MAP4K1: variants seen among roughly 807,000 people sequenced by gnomAD.
MAP4K1 encodes the protein mitogen-activated protein kinase kinase kinase kinase 1.
A neutral mutation model predicts 122.8 loss-of-function variants in MAP4K1; 35 were observed. That is an observed-to-expected ratio of 0.29 (90% CI 0.22 to 0.38). The LOEUF (loss-of-function observed/expected upper bound fraction) is 0.38, where lower values mean the gene tolerates loss of function less well. Among genes scored for constraint, MAP4K1 ranks in the 10% least tolerant of loss-of-function variants. MAP4K1 has a pLI of 1.00. For synonymous variants in MAP4K1, 412 were observed against 421.3 expected (o/e 0.98, Z 0.27); for missense variants, 791 against 1,072.6 (o/e 0.74, Z 3.67).
chr19:38,598,346 A>G (rs1441255828), intron 22 of MAP4K1, among the ~76,000 whole-genome samples: 1 of 147,636 alleles, frequency 6.8e-6, no homozygotes, highest in East Asian at 2.1e-4. Context: ...ATTGTTATAT[A>G]TAGACAGGGT....
At chr19:38,590,958 T>TA (rs1187048723) in intron 30 of MAP4K1, among the ~76,000 whole-genome samples, 1 of 146,274 alleles carries the variant, frequency 6.8e-6, no homozygotes. Flanking sequence ...AAATATTCAT[T>TA]AAAAAATCAC....
Position 38,605,791 on chromosome 19 carries a change from T to C in MAP4K1, c.1201-61A>G, listed in dbSNP as rs1975311832. ...CAGATGATCTCAGAGAGGGCACCCT[T>C]TTGCAACTCAAGTCCCTGCCTCCAC... is the stretch of plus-strand genomic sequence containing the variant. On this transcript the variant is annotated intron_variant, in intron 17 of 30. Transcript: ENST00000396857. 13 of 1,515,612 alleles carry C rather than the reference T, an allele frequency of 8.6e-6. No individual in the cohort carries two copies. In the Admixed American group the frequency reaches 2.9e-4, roughly 34 times the overall value. 93.9% of individuals were successfully genotyped at this position (1,515,612 alleles called of 1,614,324 possible).
At chr19:38,603,813 G>A (rs1281487323) in intron 19 of MAP4K1, among the ~76,000 whole-genome samples, 8 of 152,142 alleles carry the variant, frequency 5.3e-5, no homozygotes, top group African/African-American at 1.7e-4. Flanking sequence ...GCAAAACTCC[G>A]TCTCTACTAA....
At chr19:38,594,957 TTATCTATCTATCTATC>T (rs4018120) in intron 29 of MAP4K1, among the ~76,000 whole-genome samples, 26 of 146,674 alleles carry the variant, frequency 1.8e-4, no homozygotes, top group South Asian at 6.6e-4. Context: ...TAAATAAATT[TTATCTATCTATCTATC>T]TATCTATCTA....
intron 13 of MAP4K1, 88 bp from the exon 14 acceptor site, chr19:38,608,258 G>A (rs1347052261): frequency 1.4e-5 from 8 of 566,596 alleles, no homozygotes; most frequent in Admixed American, 6.5e-5. Flanking sequence ...TAGAATTGGC[G>A]GGGGGGTTGC....
Position 38,596,402 on chromosome 19 carries a change from C to T in MAP4K1, c.2026G>A (p.Gly676Ser), listed in dbSNP as rs1196527837. Residue 676 changes from glycine to serine, a missense_variant, in exon 26 of 31, where the codon GGC becomes AGC. Physicochemically the swap from Gly to Ser is moderately conservative, Grantham distance 56. Transcript: ENST00000396857. ...TTCCCCGGCCGCCCGGGGCTCACGC[C>T]GATGCACACAGCGGGCAGCTCAGAG... is the stretch of plus-strand genomic sequence containing the variant. ...PGSELPAVCI[G>S]VSPGRPGKSV... The T allele has an allele frequency of 1.9e-6, 3 of 1,596,108 alleles. No individual in the cohort carries two copies. In the South Asian group the frequency reaches 3.4e-5, roughly 18 times the overall value.
intron 16 of MAP4K1, among the ~76,000 whole-genome samples, chr19:38,607,492 C>T (rs996785455): frequency 4.1e-5 from 6 of 145,292 alleles, no homozygotes; most frequent in Admixed American, 3.6e-4. Flanking sequence ...CCCGGGGAGC[C>T]GAGGTTGTAG....
At position 38,617,571 on chromosome 19, in the gene MAP4K1, G is replaced by T. The variant is rs749470097; in HGVS notation, c.154C>A (p.Pro52Thr). The part of the protein sequence containing the change: ...LVALKMVKME[P>T]DDDVSTLQKE... ...GAGCTCCATGTTCCCTCCTCACCAG[G>T]CTCCATCTTCACCATCTTCAGTGCC... Residue 52 changes from proline to threonine, a missense_variant, in exon 2 of 31, where the codon CCT (proline) becomes ACT (threonine). By Grantham distance (38) the Pro-to-Thr change is conservative. Transcript: ENST00000396857. This position sits in a 1 kb window ranked among gnomAD's most constrained non-coding sequence, Gnocchi z 4.1. 3 of 1,614,030 alleles carry T rather than the reference G, an allele frequency of 1.9e-6. No individual in the cohort carries two copies. The highest frequency in any genetic ancestry group is 2.5e-6 in the Non-Finnish European group (3 of 1,179,988).
chr19:38,612,846 G>T, intron 8 of MAP4K1, 104 bp from the exon 9 acceptor site: 1 of 1,236,692 alleles, frequency 8.1e-7, no homozygotes, highest in Non-Finnish European at 1.2e-6. Flanking sequence ...CACACAGAGA[G>T]TCAGATGGAG....
At chr19:38,595,844 G>A in intron 27 of MAP4K1, 95 bp downstream of exon 27, 1 of 1,502,744 alleles carries the variant, frequency 6.7e-7, no homozygotes, top group Non-Finnish European at 9.3e-7. Context: ...GCCCAGAGGG[G>A]CTCAGGGGGT....
intron 8 of MAP4K1, 89 bp from the exon 9 acceptor site, chr19:38,612,831 C>T (rs1235669814): frequency 5.7e-6 from 8 of 1,397,242 alleles, no homozygotes; most frequent in Admixed American, 1.8e-5. Flanking sequence ...TGAGGGGAGA[C>T]GCAGCACACA....
In MAP4K1 at chr19:38,617,621, C is replaced by T. The variant is rs1464608790; in HGVS notation, c.104G>A (p.Arg35Gln). The stretch of plus-strand genomic sequence containing the variant: ...CACCAGGTCCCCTGACACCTTGTCT[C>T]GAGCCTTGCAAAGGGGAAGTTGGCA... Reference protein sequence around the residue: ...GGTYGEVFKARDKVSGDLVAL... With the variant: ...GGTYGEVFKAQDKVSGDLVAL... Residue 35 changes from arginine (R) to glutamine (Q), a missense_variant, in exon 2 of 31, where the codon CGA becomes CAA. Physicochemically the swap from Arg to Gln is conservative, Grantham distance 43. Coordinates refer to ENST00000396857, the MANE Select transcript of MAP4K1 (RefSeq NM_001042600.3). This position sits in a 1 kb window ranked among gnomAD's most constrained non-coding sequence, Gnocchi z 4.1. The T allele has an allele frequency of 2.5e-6, 4 of 1,614,096 alleles. No individual in the cohort carries two copies. Among genetic ancestry groups the T allele is most frequent in the Middle Eastern group, 1.7e-4 (1 of 6,060 alleles).
In MAP4K1 at chr19:38,596,488, T is replaced by C; in HGVS notation, c.1942-2A>G. The C allele has an allele frequency of 6.5e-7, 1 of 1,549,740 alleles. No individual in the cohort carries two copies. On this transcript the variant is annotated splice_acceptor_variant, in intron 25 of 30. Coordinates refer to ENST00000396857, the MANE Select transcript of MAP4K1 (RefSeq NM_001042600.3). LOFTEE classifies it high-confidence loss of function. ...CGTCGGCAGTGGGAACAGCACCTGC[T>C]GCGGGCCGCACAGGGAGGGGCGGGC...
chr19:38,601,726 TG>T (rs1004908468), intron 19 of MAP4K1: 45 of 552,322 alleles, frequency 8.1e-5, no homozygotes, highest in African/African-American at 7.4e-4. Flanking sequence ...TGTTTTTTTT[TG>T]TTGTTGTTAT....
chr19:38,597,667 CTT>C lies in MAP4K1; in HGVS notation c.1670-75_1670-74del. 1 of 971,102 alleles carries C rather than the reference CTT, an allele frequency of 1.0e-6. No individual in the cohort carries two copies. Among genetic ancestry groups the C allele is most frequent in the Non-Finnish European group, 1.5e-6 (1 of 651,488 alleles). The allele number at this position is 971,102 out of a possible 1,614,324, so 60.2% of individuals were successfully genotyped here. On this transcript the variant is annotated intron_variant, in intron 22 of 30. Coordinates refer to ENST00000396857, the MANE Select transcript of MAP4K1 (RefSeq NM_001042600.3). This position sits in a 1 kb window ranked among gnomAD's most constrained non-coding sequence, Gnocchi z 4.6. ...ATATACCACTTCCTTTCCTCCATCC[CTT>C]CCCTCAGCCCCATCCCTTTGTCTGA...
At chr19:38,602,273 C>T (rs1198147229) in intron 19 of MAP4K1, among the ~76,000 whole-genome samples, 1 of 152,060 alleles carries the variant, frequency 6.6e-6, no homozygotes, top group Non-Finnish European at 1.5e-5. Flanking sequence ...CAGGGTTTCG[C>T]CATGTTGGCC....
intron 22 of MAP4K1, 65 bp downstream of exon 22, chr19:38,599,860 C>A (rs1975008267): frequency 2.0e-6 from 3 of 1,497,330 alleles, no homozygotes; most frequent in Non-Finnish European, 2.8e-6. Flanking sequence ...CGTCTACTTC[C>A]CAGCCCCCGA....
intron 22 of MAP4K1, among the ~76,000 whole-genome samples, chr19:38,598,821 G>A (rs1974966761): frequency 6.6e-6 from 1 of 151,778 alleles, no homozygotes; most frequent in African/African-American, 2.4e-5. Context: ...AGACCAGCCT[G>A]GCCAACATGG....
rs778955212 is a variant in MAP4K1 at position 38,609,955 on chromosome 19, G to A, written c.881C>T (p.Pro294Leu). ...ILDLLDKLKN[P>L]GKGPSIGDIE... ...GTCCCCAATGGAGGGTCCTTTCCCG[G>A]GATTCTTCAGTTTGTCAAGAAGATC... Residue 294 changes from proline to leucine, a missense_variant, in exon 12 of 31, where the codon CCC becomes CTC. Transcript: ENST00000396857. 14 of 1,614,040 alleles carry A rather than the reference G, an allele frequency of 8.7e-6. No individual in the cohort carries two copies. The highest frequency in any genetic ancestry group is 1.1e-5 in the Non-Finnish European group (13 of 1,180,034).
Sources: gnomAD v4.1 joint callset for allele counts (sites outside exome capture counted in the v4.1 genomes callset) on GRCh38, gnomAD v4.1.1 for gene constraint, Gnocchi (gnomAD v3.1) non-coding constraint, MANE v1.5 for transcripts, NCBI Gene and HGNC (gene_info 2026-07-23, HGNC 2026-07-21) for gene names.